ANXA2: variants seen among roughly 807,000 people sequenced by gnomAD.
ANXA2 encodes annexin II.
ANXA2 carries 28 observed loss-of-function variants against 47.3 expected under a neutral mutation model. The ratio of observed to expected loss-of-function variants is 0.59; its 90% CI spans 0.44 to 0.81. The LOEUF (loss-of-function observed/expected upper bound fraction) is 0.81, where lower values mean the gene tolerates loss of function less well. Ranked by LOEUF, ANXA2 falls within the 40% of genes least tolerant of loss-of-function variation. The pLI is 0.00. For synonymous variants in ANXA2, 172 were observed against 155.5 expected (o/e 1.11, Z -0.79); for missense variants, 384 against 414.3 (o/e 0.93, Z 0.64).
intron 5 of ANXA2, 125 bp from the exon 6 acceptor site, chr15:60,357,361 C>G (rs745306286): frequency 1.3e-4 from 91 of 695,196 alleles, no homozygotes; most frequent in Non-Finnish European, 2.1e-4. Context: ...TTTCTACATT[C>G]CTTCTGAAGA....
At chr15:60,397,189 T>G in intron 1 of ANXA2, 1 of 857,612 alleles carries the variant, frequency 1.2e-6, no homozygotes, top group Non-Finnish European at 1.4e-6. Context: ...TACTCTCAGT[T>G]CCTGACTCAT....
At chr15:60,393,728 T>G (rs892369206) in intron 1 of ANXA2, 4 of 967,822 alleles carry the variant, frequency 4.1e-6, no homozygotes, top group Non-Finnish European at 4.9e-6. Context: ...TGCAGCTTTT[T>G]GTGTGTCTGT....
At chr15:60,384,670 C>T (rs539590396) in intron 2 of ANXA2, 39 of 152,280 alleles carry the variant, frequency 2.6e-4, no homozygotes, top group African/African-American at 9.1e-4. Flanking sequence ...AAACAGCATG[C>T]ACACGTTTCA....
chr15:60,377,446 C>G (rs973665994), intron 3 of ANXA2, among the ~76,000 whole-genome samples: 6 of 152,222 alleles, frequency 3.9e-5, no homozygotes, highest in African/African-American at 1.4e-4. Context: ...GCCCACAATT[C>G]CATATACAGG....
intron 1 of ANXA2, among the ~76,000 whole-genome samples, chr15:60,394,387 G>T (rs992927107): frequency 6.6e-6 from 1 of 152,136 alleles, no homozygotes; most frequent in African/African-American, 2.4e-5. Context: ...CTGTCCAGTT[G>T]AGCTCAGCTG....
chr15:60,397,505 G>T (rs1484675364), intron 1 of ANXA2, among the ~76,000 whole-genome samples: 2 of 152,112 alleles, frequency 1.3e-5, no homozygotes, highest in Non-Finnish European at 1.5e-5. Context: ...AGAGCAGATG[G>T]GGGGCACTTT....
chr15:60,375,303 C>T (rs1325193249), intron 3 of ANXA2, among the ~76,000 whole-genome samples: 2 of 152,092 alleles, frequency 1.3e-5, no homozygotes, highest in Non-Finnish European at 2.9e-5. Context: ...TCAAAACTGG[C>T]AATAATAATA....
chr15:60,353,465 A>T (rs545313062), intron 8 of ANXA2, among the ~76,000 whole-genome samples: 1 of 152,284 alleles, frequency 6.6e-6, no homozygotes, highest in South Asian at 2.1e-4. Context: ...GCAGAAACTG[A>T]TGCTTCCATA....
intron 3 of ANXA2, among the ~76,000 whole-genome samples, chr15:60,369,773 A>T (rs2062688126): frequency 6.6e-6 from 1 of 152,218 alleles, no homozygotes; most frequent in South Asian, 2.1e-4. Flanking sequence ...TGGGAAATGG[A>T]AATGTCTCTA....
intron 1 of ANXA2, among the ~76,000 whole-genome samples, chr15:60,396,662 G>T (rs181298780): frequency 6.6e-6 from 1 of 152,210 alleles, no homozygotes; most frequent in African/African-American, 2.4e-5. Flanking sequence ...GCCTGGGAAC[G>T]TCAGCACCTT....
rs902087969 is a variant in ANXA2 at position 60,395,085 on chromosome 15, C to T, written c.-12+2858G>A. Among the ~76,000 whole-genome samples, 24 of 152,076 alleles carry T rather than the reference C, an allele frequency of 1.6e-4. No homozygotes were observed. The East Asian group carries it at 2.9e-3, about 18-fold the overall frequency. On this transcript the variant is annotated intron_variant, in intron 1 of 12. Transcript: ENST00000451270. ...ACCATAATTTTAAGCAAAACTTCCC[C>T]GAGGTAGGTAAAATGTGAAGTTTAG...
chr15:60,356,568 A>C (rs1043719412), intron 6 of ANXA2, among the ~76,000 whole-genome samples: 1 of 152,252 alleles, frequency 6.6e-6, no homozygotes, highest in Non-Finnish European at 1.5e-5. Context: ...CCCTGACTTG[A>C]TAATTACATA....
At chr15:60,396,759 G>A (rs1011823223) in intron 1 of ANXA2, among the ~76,000 whole-genome samples, 8 of 152,224 alleles carry the variant, frequency 5.3e-5, no homozygotes, top group African/African-American at 1.9e-4. Flanking sequence ...CGTGTGAACA[G>A]AATCCATCAG....
Position 60,363,698 on chromosome 15 carries a change from G to C in ANXA2, c.243+731C>G, listed in dbSNP as rs1478447899. On this transcript the variant is annotated intron_variant, in intron 4 of 12. Coordinates refer to ENST00000451270, the MANE Select transcript of ANXA2 (RefSeq NM_004039.3). Reference sequence around the variant, plus strand: ...AAAGCACACAAAGACCCTTTAAATAGTAGGAGCATGGCATGTTGAAGATAG... The same window carrying C: ...AAAGCACACAAAGACCCTTTAAATACTAGGAGCATGGCATGTTGAAGATAG... Among the ~76,000 whole-genome samples the C allele has an allele frequency of 8.5e-5, 13 of 152,314 alleles. No individual in the cohort carries two copies. In the East Asian group the frequency reaches 2.3e-3, roughly 27 times the overall value.
intron 3 of ANXA2, among the ~76,000 whole-genome samples, chr15:60,379,315 T>G (rs555593388): frequency 1.3e-5 from 2 of 151,860 alleles, no homozygotes; most frequent in African/African-American, 4.8e-5. Flanking sequence ...AAATAAAAAG[T>G]GGACCTAAGT....
chr15:60,369,204 G>C (rs893123053), intron 3 of ANXA2, among the ~76,000 whole-genome samples: 1 of 152,216 alleles, frequency 6.6e-6, no homozygotes, highest in African/African-American at 2.4e-5. Flanking sequence ...GGGCAGAAGA[G>C]ATTGATTCAA....
intron 3 of ANXA2, among the ~76,000 whole-genome samples, chr15:60,379,634 G>C (rs941410523): frequency 6.6e-6 from 1 of 152,210 alleles, no homozygotes; most frequent in Non-Finnish European, 1.5e-5. Flanking sequence ...TATCATCCAA[G>C]ACCTGGGGAT....
chr15:60,372,384 C>T (rs1403673714), intron 3 of ANXA2, among the ~76,000 whole-genome samples: 2 of 152,120 alleles, frequency 1.3e-5, no homozygotes, highest in South Asian at 2.1e-4. Context: ...GACTAAAGAC[C>T]CTGGCTCACT....
chr15:60,371,864 AC>A (rs1224055051), intron 3 of ANXA2, among the ~76,000 whole-genome samples: 2 of 152,088 alleles, frequency 1.3e-5, no homozygotes, highest in African/African-American at 4.8e-5. Context: ...AATAATAGTA[AC>A]CTTTTGCCGG....
Sources: gnomAD v4.1 joint callset for allele counts (sites outside exome capture counted in the v4.1 genomes callset) on GRCh38, gnomAD v4.1.1 for gene constraint, MANE v1.5 for transcripts, NCBI Gene and HGNC (gene_info 2026-07-23, HGNC 2026-07-21) for gene names.